TMEM114: variants seen among roughly 807,000 people sequenced by gnomAD.
TMEM114 encodes claudin-26.
In TMEM114, 6 loss-of-function variants were observed where a neutral mutation model predicts 6.2. The observed-to-expected ratio is 0.97, with a 90% CI of 0.53 to 1.91. The LOEUF (loss-of-function observed/expected upper bound fraction) is 1.91, where lower values mean the gene tolerates loss of function less well. TMEM114 is among the 40% of genes most tolerant of loss of function. The pLI, the probability that TMEM114 is intolerant of heterozygous loss-of-function variation, is 0.01. For missense variants in TMEM114, 218 were observed against 158.3 expected, an observed-to-expected ratio of 1.38 and a Z score of -2.02; for synonymous variants, 104 against 73.0, an observed-to-expected ratio of 1.42 and a Z score of -2.16.
chr16:8,581,584 G>A (rs1418554403), intron 2 of TMEM114, among the ~76,000 whole-genome samples: 1 of 152,168 alleles, frequency 6.6e-6, no homozygotes, highest in Non-Finnish European at 1.5e-5. Context: ...CTCCCAAGTA[G>A]CTGGGACTAC....
chr16:8,542,016 G>A (rs1474760638), intron 2 of TMEM114, among the ~76,000 whole-genome samples: 1 of 152,146 alleles, frequency 6.6e-6, no homozygotes, highest in Non-Finnish European at 1.5e-5. Context: ...CTTTCACCAG[G>A]ACAGCATGGT....
rs944335274 is a variant in TMEM114, at chr16:8,572,094, G to T, written c.432C>A (p.Leu144=). 4.5e-6 allele frequency: 7 copies of T among 1,547,710 alleles called. No homozygotes were observed. The highest frequency in any genetic ancestry group is 6.1e-6 in the Non-Finnish European group (7 of 1,144,954). ...GGCAGGGTGGGCACCTACCTCCAAA[G>T]AGGAAGAGAATTCCAGTGAGCAGGA... The part of the protein sequence containing the change: ...LLLLLTGILF[L]FGAMVTLAGI... Residue 144 remains leucine, a synonymous_variant, in exon 3 of 4, where the codon CTC becomes CTA. Transcript: ENST00000620492.
At chr16:8,532,814 C>T (rs913244609), downstream of TMEM114, among the ~76,000 whole-genome samples, 1 of 152,064 alleles carries the variant, frequency 6.6e-6, no homozygotes, top group African/African-American at 2.4e-5. Flanking sequence ...ATCCCAGCTA[C>T]TCAGGAGGCT....
the TMEM114 span, among the ~76,000 whole-genome samples, chr16:8,530,010 T>C: frequency 1.3e-5 from 2 of 152,250 alleles, no homozygotes; most frequent in Admixed American, 1.3e-4. Flanking sequence ...TGAAACCTAA[T>C]TTTTTCAGCT....
At chr16:8,559,254 G>T (rs1901121906) in intron 2 of TMEM114, among the ~76,000 whole-genome samples, 1 of 151,818 alleles carries the variant, frequency 6.6e-6, no homozygotes, top group South Asian at 2.1e-4. Context: ...TGTTGGCCAG[G>T]CTGGTCTCCA....
the TMEM114 span, among the ~76,000 whole-genome samples, chr16:8,527,172 A>C: frequency 4.6e-5 from 7 of 152,178 alleles, no homozygotes; most frequent in Non-Finnish European, 8.8e-5. Context: ...ATGCCACTGC[A>C]CTCCATCCAG....
chr16:8,550,401 C>G (rs904897049), intron 2 of TMEM114, among the ~76,000 whole-genome samples: 1 of 152,220 alleles, frequency 6.6e-6, no homozygotes, highest in African/African-American at 2.4e-5. Context: ...TCCCTCCTGG[C>G]CGGGTGCGGT....
chr16:8,550,004 C>T (rs950731027), intron 2 of TMEM114, among the ~76,000 whole-genome samples: 2 of 152,104 alleles, frequency 1.3e-5, no homozygotes, highest in African/African-American at 2.4e-5. Flanking sequence ...AGCCAAAGGC[C>T]CAAGATCCCC....
chr16:8,587,333 T>C (rs1902348221), intron 2 of TMEM114, among the ~76,000 whole-genome samples: 1 of 152,248 alleles, frequency 6.6e-6, no homozygotes, highest in Non-Finnish European at 1.5e-5. Context: ...TGCCAGGTTC[T>C]ATGCTAAATA....
intron 2 of TMEM114, among the ~76,000 whole-genome samples, chr16:8,552,746 AC>A (rs144350830): frequency 0.098 from 14,803 of 150,582 alleles, 820 homozygotes; most frequent in Middle Eastern, 0.19. Flanking sequence ...CTAAGGTCCT[AC>A]CTGCTCCTGA....
the TMEM114 span, among the ~76,000 whole-genome samples, chr16:8,528,750 C>G: frequency 6.6e-6 from 1 of 152,220 alleles, no homozygotes; most frequent in South Asian, 2.1e-4. Context: ...GCTAAGTTAA[C>G]TTCTAAATAT....
At chr16:8,555,309 C>T (rs552952422) in intron 2 of TMEM114, among the ~76,000 whole-genome samples, 1 of 152,358 alleles carries the variant, frequency 6.6e-6, no homozygotes, top group African/African-American at 2.4e-5. Flanking sequence ...GGCAGGGTTG[C>T]AGCTCCGTGA....
At chr16:8,567,233 A>G (rs1901576650), downstream of TMEM114, among the ~76,000 whole-genome samples, 1 of 151,970 alleles carries the variant, frequency 6.6e-6, no homozygotes. Flanking sequence ...TGTTTTCTTC[A>G]TAACACTAAT....
At chr16:8,532,873 G>T (rs1007378841), downstream of TMEM114, among the ~76,000 whole-genome samples, 1 of 152,110 alleles carries the variant, frequency 6.6e-6, no homozygotes, top group Non-Finnish European at 1.5e-5. Flanking sequence ...GCAGTGAGCC[G>T]AGATCACGCC....
the TMEM114 span, among the ~76,000 whole-genome samples, chr16:8,528,349 G>A: frequency 1.3e-5 from 2 of 152,134 alleles, no homozygotes; most frequent in Admixed American, 1.3e-4. Context: ...CTCCCATTCT[G>A]CTGCAGAAGA....
downstream of TMEM114, among the ~76,000 whole-genome samples, chr16:8,565,400 G>C (rs539821778): frequency 5.3e-5 from 8 of 152,270 alleles, no homozygotes; most frequent in East Asian, 1.3e-3. Flanking sequence ...TTGCCAGATA[G>C]AGCGCCTTCT....
chr16:8,539,387 C>T (rs1474854148), intron 2 of TMEM114, among the ~76,000 whole-genome samples: 1 of 152,146 alleles, frequency 6.6e-6, no homozygotes, highest in East Asian at 1.9e-4. Flanking sequence ...AATACTTGCC[C>T]CTGGCCCGAG....
At chr16:8,568,943 A>C (rs977568552), downstream of TMEM114, among the ~76,000 whole-genome samples, 1 of 152,244 alleles carries the variant, frequency 6.6e-6, no homozygotes, top group Non-Finnish European at 1.5e-5. Flanking sequence ...GCATTTATGC[A>C]AACAGTGGCT....
Position 8,569,811 on chromosome 16 carries a change from C to T in TMEM114, c.634G>A (p.Glu212Lys). 1 of 1,550,842 alleles carries T rather than the reference C, an allele frequency of 6.4e-7. No individual in the cohort carries two copies. Among genetic ancestry groups the T allele is most frequent in the South Asian group, 1.2e-5 (1 of 84,058 alleles). ...TCCTGCCTCCGTCTCAGGCTGAGCT[C>T]GCGGGCTGCTGCCAGGAAGGCTGCC... ...TGAAFLAAARELSLRRRQDQA... is the reference protein window; with the variant it reads ...TGAAFLAAARKLSLRRRQDQA... The change falls in exon 4 of 4, where the codon GAG becomes AAG. Residue 212 changes from glutamate to lysine, a missense_variant. Coordinates refer to ENST00000620492, the MANE Select transcript of TMEM114 (RefSeq NM_001146336.2).
Sources: allele counts gnomAD v4.1 joint callset (sites outside exome capture counted in the v4.1 genomes callset), GRCh38; gene constraint gnomAD v4.1.1; transcripts MANE v1.5; gene names NCBI Gene and HGNC (gene_info 2026-07-23, HGNC 2026-07-21).